The following SMIM3 variants were observed in gnomAD, a reference collection of about 807,000 sequenced individuals.
The protein encoded by SMIM3 is small integral membrane protein 3.
A neutral mutation model predicts 2.1 loss-of-function variants in SMIM3; 4 were observed. That is an observed-to-expected ratio of 1.89 (90% CI 0.93 to 4.31). The LOEUF is 4.31. SMIM3 is among the 30% of genes most tolerant of loss of function. The pLI is 0.01. For missense variants in SMIM3, 79 were observed against 77.7 expected (o/e 1.02, Z -0.06); for synonymous variants, 29 against 30.8 (o/e 0.94, Z 0.19).
chr5:150,782,451 C>G (rs1753245573), intron 1 of SMIM3, among the ~76,000 whole-genome samples: 1 of 152,176 alleles, frequency 6.6e-6, no homozygotes, highest in Non-Finnish European at 1.5e-5. Context: ...CCCCTCACCC[C>G]TGGTCCCTCC....
At chr5:150,791,946 G>A (rs1183818741) in intron 1 of SMIM3, among the ~76,000 whole-genome samples, 2 of 152,188 alleles carry the variant, frequency 1.3e-5, no homozygotes, top group African/African-American at 4.8e-5. Flanking sequence ...ATGAATGGGT[G>A]AGTGAATGAA....
intron 1 of SMIM3, among the ~76,000 whole-genome samples, chr5:150,785,580 C>CTTTTTTTTTTT (rs35273478): frequency 8.8e-6 from 1 of 113,680 alleles, no homozygotes; most frequent in African/African-American, 3.0e-5. Context: ...TATTTCTTTT[C>CTTTTTTTTTTT]TTTTTTTTTT....
Position 150,796,245 on chromosome 5 carries a change from G to A in SMIM3, c.*622G>A, listed in dbSNP as rs1228463794. 1 of 153,244 alleles carries A rather than the reference G, an allele frequency of 6.5e-6. No homozygotes were observed. Among genetic ancestry groups the A allele is most frequent in the African/African-American group, 2.4e-5 (1 of 41,436 alleles). 9.5% of individuals were successfully genotyped at this position (153,244 alleles called of 1,614,324 possible). A position where few individuals can be genotyped will look rare whatever the true frequency, so the allele number is the denominator to read the frequency against. ...TGTGCCATCTTTGGGCACTGCCAAG[G>A]GAGTTGGGGTGATGGGCTTCTTTCT... On this transcript the variant is annotated 3_prime_UTR_variant, in exon 2 of 2. Coordinates refer to ENST00000526627, the MANE Select transcript of SMIM3 (RefSeq NM_032947.5).
At chr5:150,784,397 C>T (rs1207672799) in intron 1 of SMIM3, among the ~76,000 whole-genome samples, 1 of 152,192 alleles carries the variant, frequency 6.6e-6, no homozygotes, top group African/African-American at 2.4e-5. Flanking sequence ...CTTCATGTAT[C>T]TCATCAACTC....
chr5:150,789,838 CTG>C (rs903398303), intron 1 of SMIM3, among the ~76,000 whole-genome samples: 1 of 152,162 alleles, frequency 6.6e-6, no homozygotes, highest in Admixed American at 6.5e-5. Context: ...CTTAGGGTCT[CTG>C]AGGATAATGT....
Position 150,796,577 on chromosome 5 carries a change from A to G in SMIM3, c.*954A>G, listed in dbSNP as rs1281269193. On this transcript the variant is annotated 3_prime_UTR_variant, in exon 2 of 2. Coordinates refer to ENST00000526627, the MANE Select transcript of SMIM3 (RefSeq NM_032947.5). Reference sequence around the variant, plus strand: ...TGTAGAGATATTTCTGGACCACTCAAGCTCTTCGATACCAAAATCAGGAGC... The same window carrying G: ...TGTAGAGATATTTCTGGACCACTCAGGCTCTTCGATACCAAAATCAGGAGC... 6.6e-6 allele frequency: 1 copy of G among 152,378 alleles called. No homozygotes were observed. Among genetic ancestry groups the G allele is most frequent in the Admixed American group, 6.5e-5 (1 of 15,288 alleles). 9.4% of individuals were successfully genotyped at this position (152,378 alleles called of 1,614,324 possible). A position where few individuals can be genotyped will look rare whatever the true frequency, so the allele number is the denominator to read the frequency against.
At chr5:150,788,240 A>C (rs1753312880) in intron 1 of SMIM3, among the ~76,000 whole-genome samples, 1 of 152,212 alleles carries the variant, frequency 6.6e-6, no homozygotes, top group Admixed American at 6.5e-5. Flanking sequence ...TGCTTAAGAA[A>C]AGTGGTCCCA....
chr5:150,795,316 A>G (rs1031456053), intron 1 of SMIM3, 114 bp from the exon 2 acceptor site: 66 of 1,100,158 alleles, frequency 6.0e-5, no homozygotes, highest in Non-Finnish European at 7.6e-5. Flanking sequence ...AGGGAACCTT[A>G]AAGTTTACAT....
At position 150,793,034 on chromosome 5, in the gene SMIM3, AT is replaced by A. The variant is rs146188496; in HGVS notation, c.-11-2385del. ...AAACTGTTTTTTTCAATTTGCGTGTATTTTTTTTTTTCAAACAGCTACTAAG... is the reference window on the plus strand; with the variant it reads ...AAACTGTTTTTTTCAATTTGCGTGTATTTTTTTTTTCAAACAGCTACTAAG... On this transcript the variant is annotated intron_variant, in intron 1 of 1. Coordinates refer to ENST00000526627, the MANE Select transcript of SMIM3 (RefSeq NM_032947.5). 1.4e-3 allele frequency among the ~76,000 whole-genome samples: 205 copies of A among 148,660 alleles called. 1 individual carries two copies. The highest frequency in any genetic ancestry group is 3.8e-3 in the Admixed American group (57 of 14,930).
intron 1 of SMIM3, among the ~76,000 whole-genome samples, chr5:150,787,466 AC>A: frequency 6.6e-6 from 1 of 152,256 alleles, no homozygotes; most frequent in South Asian, 2.1e-4. Context: ...ACAGTGTTTG[AC>A]CTGGACTTAG....
rs1753390392 is a variant in SMIM3 at position 150,795,292 on chromosome 5, T to C, written c.-11-138T>C. ...GGAAGCCCTCAGTAAATGAAGCCAT[T>C]GTAATTACTAATCAGGGAACCTTAA... is the stretch of plus-strand genomic sequence containing the variant. On this transcript the variant is annotated intron_variant, in intron 1 of 1. Transcript: ENST00000526627. The C allele has an allele frequency of 4.6e-6, 4 of 865,406 alleles. No homozygotes were observed. The East Asian group carries it at 1.0e-4, about 22-fold the overall frequency. 53.6% of individuals were successfully genotyped at this position (865,406 alleles called of 1,614,324 possible).
chr5:150,794,438 G>A (rs992149869), intron 1 of SMIM3, among the ~76,000 whole-genome samples: 2 of 152,166 alleles, frequency 1.3e-5, no homozygotes, highest in African/African-American at 4.8e-5. Context: ...CAATCAACAA[G>A]TGGATAAAGA....
intron 1 of SMIM3, among the ~76,000 whole-genome samples, chr5:150,789,236 CAGAG>C (rs1753324418): frequency 2.0e-5 from 3 of 152,116 alleles, no homozygotes; most frequent in Admixed American, 2.0e-4. Context: ...GCACTCATGA[CAGAG>C]AGGTCAAATA....
chr5:150,794,960 C>G (rs72660273), intron 1 of SMIM3, among the ~76,000 whole-genome samples: 26,306 of 151,878 alleles, frequency 0.17, 3,012 homozygotes, highest in East Asian at 0.63. Context: ...ATGGGAGAAG[C>G]GGTATAGGAC....
At chr5:150,786,370 C>A (rs1753293608) in intron 1 of SMIM3, among the ~76,000 whole-genome samples, 1 of 152,140 alleles carries the variant, frequency 6.6e-6, no homozygotes, top group Non-Finnish European at 1.5e-5. Flanking sequence ...TCACTGTAGC[C>A]CTAGCCTCCT....
chr5:150,795,708 G>A lies in SMIM3; in HGVS notation c.*85G>A. ...CTGTCTTCAGAAAAGCAGCAGGAGGGACTTTGGGGCATGGACCTGAGTTCT... is the reference window on the plus strand; with the variant it reads ...CTGTCTTCAGAAAAGCAGCAGGAGGAACTTTGGGGCATGGACCTGAGTTCT... On this transcript the variant is annotated 3_prime_UTR_variant, in exon 2 of 2. Transcript: ENST00000526627. 2 of 1,430,756 alleles carry A rather than the reference G, an allele frequency of 1.4e-6. No homozygotes were observed. The highest frequency in any genetic ancestry group is 1.9e-6 in the Non-Finnish European group (2 of 1,065,866). 88.6% of individuals were successfully genotyped at this position (1,430,756 alleles called of 1,614,324 possible).
At chr5:150,793,670 C>G (rs1014811489) in intron 1 of SMIM3, among the ~76,000 whole-genome samples, 2 of 152,164 alleles carry the variant, frequency 1.3e-5, no homozygotes, top group Admixed American at 6.5e-5. Context: ...CAAAAATCAA[C>G]TCAAGATGGA....
rs144289665 is a variant in SMIM3, at chr5:150,784,331, G to C, written c.-12+5359G>C. Among the ~76,000 whole-genome samples, 18 of 152,238 alleles carry C rather than the reference G, an allele frequency of 1.2e-4. No individual in the cohort carries two copies. In the East Asian group the frequency reaches 2.9e-3, roughly 24 times the overall value. On this transcript the variant is annotated intron_variant, in intron 1 of 1. Coordinates refer to ENST00000526627, the MANE Select transcript of SMIM3 (RefSeq NM_032947.5). ...CCATTTTACAAATTAGGAGACTAAAGCTCAAAGAGGTTAAACCTCTTGCCA... is the reference window on the plus strand; with the variant it reads ...CCATTTTACAAATTAGGAGACTAAACCTCAAAGAGGTTAAACCTCTTGCCA...
chr5:150,796,316 G>A lies in SMIM3; in HGVS notation c.*693G>A, dbSNP rs1223234889. ...TTAGCTTTGACACTCAAGCAATGTT[G>A]GAAAATGCAGGGTGACTGAGTTCCC... On this transcript the variant is annotated 3_prime_UTR_variant, in exon 2 of 2. Transcript: ENST00000526627. 1 of 152,710 alleles carries A rather than the reference G, an allele frequency of 6.5e-6. No individual in the cohort carries two copies. The highest frequency in any genetic ancestry group is 1.5e-5 in the Non-Finnish European group (1 of 68,100). The allele number at this position is 152,710 out of a possible 1,614,324, so 9.5% of individuals were successfully genotyped here.
Sources: gnomAD v4.1 joint callset for allele counts (sites outside exome capture counted in the v4.1 genomes callset) on GRCh38, gnomAD v4.1.1 for gene constraint, MANE v1.5 for transcripts, NCBI Gene and HGNC (gene_info 2026-07-23, HGNC 2026-07-21) for gene names.